SMARCA2: variants seen among roughly 807,000 people sequenced by gnomAD.
The protein encoded by SMARCA2 is SWI/SNF related BAF chromatin remodeling complex subunit ATPase 2.
SMARCA2 carries 61 observed loss-of-function variants against 199.8 expected under a neutral mutation model. That is an observed-to-expected ratio of 0.31 (90% confidence interval 0.25 to 0.38). SMARCA2 has a LOEUF of 0.38. Among genes scored for constraint, SMARCA2 ranks in the 10% least tolerant of loss-of-function variants. The pLI, the probability that SMARCA2 is intolerant of heterozygous loss-of-function variation, is 1.00. For synonymous variants in SMARCA2, 935 were observed against 732.0 expected (o/e 1.28, Z -4.48); for missense variants, 1,344 against 2,012.2 (o/e 0.67, Z 6.35).
rs1025401332 is a variant in SMARCA2 at position 2,056,034 on chromosome 9, A to G, written c.1174-638A>G. ...ATTTAATGTGTATTCTCCAGTCCCT[A>G]CCCCCTACCACCACATAACATGCAA... On this transcript the variant is annotated intron_variant, in intron 6 of 33. Transcript: ENST00000349721. The surrounding 1 kb of genome is among the most constrained non-coding windows in gnomAD (Gnocchi z 4.0). Among the ~76,000 whole-genome samples, 2 of 152,136 alleles carry G rather than the reference A, an allele frequency of 1.3e-5. No individual in the cohort carries two copies. The highest frequency in any genetic ancestry group is 2.9e-5 in the Non-Finnish European group (2 of 68,024).
intron 27 of SMARCA2, among the ~76,000 whole-genome samples, chr9:2,147,643 C>A (rs767776085): frequency 6.6e-6 from 1 of 152,028 alleles, no homozygotes; most frequent in African/African-American, 2.4e-5. Context: ...GTCAGGAGTT[C>A]GAGACCAGCC....
chr9:2,080,548 A>T (rs1386585693), intron 14 of SMARCA2, among the ~76,000 whole-genome samples: 2 of 152,146 alleles, frequency 1.3e-5, no homozygotes, highest in African/African-American at 2.4e-5. Context: ...TTGCAGGCTG[A>T]CAGCTTCTCC....
chr9:2,191,031 T>C (rs1247474716), intron 32 of SMARCA2, among the ~76,000 whole-genome samples: 1 of 152,176 alleles, frequency 6.6e-6, no homozygotes, highest in Non-Finnish European at 1.5e-5. Context: ...GAGACCTCGG[T>C]CCCTCTTGTT....
In SMARCA2 at chr9:2,086,320, C is replaced by A. The variant is rs1390782727; in HGVS notation, c.2527-509C>A. Among the ~76,000 whole-genome samples the A allele has an allele frequency of 6.6e-6, 1 of 152,212 alleles. No homozygotes were observed. The highest frequency in any genetic ancestry group is 1.5e-5 in the Non-Finnish European group (1 of 68,028). ...GCCAAGCCCTAAAGGTAGTAACCAG[C>A]CAGGCTAATAGAAAAGAAGGCATGG... is the stretch of plus-strand genomic sequence containing the variant. On this transcript the variant is annotated intron_variant, in intron 17 of 33. Coordinates refer to ENST00000349721, the MANE Select transcript of SMARCA2 (RefSeq NM_003070.5). The surrounding 1 kb of genome is among the most constrained non-coding windows in gnomAD (Gnocchi z 4.3).
intron 32 of SMARCA2, 150 bp downstream of exon 32, chr9:2,186,378 A>T (rs1435138562): frequency 2.7e-6 from 2 of 751,130 alleles, no homozygotes; most frequent in Non-Finnish European, 2.1e-6. Context: ...ACCGGTGGCC[A>T]TGTCCTTATC....
At position 2,119,449 on chromosome 9, in the gene SMARCA2, T is replaced by C. The variant is rs1586724984; in HGVS notation, c.3685-9T>C. On this transcript the variant is annotated splice_polypyrimidine_tract_variant and intron_variant, in intron 25 of 33. Transcript: ENST00000349721. This position sits in a 1 kb window ranked among gnomAD's most constrained non-coding sequence, Gnocchi z 4.6. The stretch of plus-strand genomic sequence containing the variant: ...CCACTGGTTAAAATCACTCTGTTTT[T>C]AACCCCAGGAAGAAGATGAAGTACC... 2.5e-6 allele frequency: 4 copies of C among 1,605,212 alleles called. No homozygotes were observed. In the African/African-American group the frequency reaches 4.0e-5, roughly 16 times the overall value.
intron 28 of SMARCA2, among the ~76,000 whole-genome samples, chr9:2,167,325 G>A (rs184207389): frequency 6.6e-6 from 1 of 152,330 alleles, no homozygotes; most frequent in East Asian, 1.9e-4. Flanking sequence ...CATTCCTGAA[G>A]AATCTGGAAA....
chr9:2,130,715 A>C (rs769017996), intron 27 of SMARCA2, among the ~76,000 whole-genome samples: 10 of 152,196 alleles, frequency 6.6e-5, no homozygotes, highest in Non-Finnish European at 1.2e-4. Flanking sequence ...ACATACATAT[A>C]TATATACACA....
intron 10 of SMARCA2, among the ~76,000 whole-genome samples, chr9:2,071,582 A>G (rs145348314): frequency 2.0e-5 from 3 of 152,288 alleles, no homozygotes; most frequent in African/African-American, 7.2e-5. Flanking sequence ...TGTGACATAC[A>G]TCTTTTTTTT....
At chr9:2,151,191 G>A (rs962373461) in intron 27 of SMARCA2, among the ~76,000 whole-genome samples, 4 of 151,426 alleles carry the variant, frequency 2.6e-5, no homozygotes, top group Admixed American at 1.3e-4. Context: ...ATTTGTTAGC[G>A]AGCGTCTGTT....
intron 22 of SMARCA2, among the ~76,000 whole-genome samples, chr9:2,102,757 G>A (rs974820795): frequency 6.6e-6 from 1 of 152,034 alleles, no homozygotes; most frequent in Non-Finnish European, 1.5e-5. Context: ...CTTACATGAC[G>A]TCCATAGTGA....
chr9:2,148,510 C>T (rs1824879868), intron 27 of SMARCA2, among the ~76,000 whole-genome samples: 1 of 151,032 alleles, frequency 6.6e-6, no homozygotes, highest in Non-Finnish European at 1.5e-5. Context: ...TATTATTATA[C>T]TTTAAGTTTT....
chr9:2,192,472 A>G (rs1319610095), intron 33 of SMARCA2: 3 of 541,912 alleles, frequency 5.5e-6, no homozygotes, highest in Admixed American at 3.5e-5. Context: ...AAGGGCACAA[A>G]CAATAGCTTA....
chr9:2,101,285 C>T (rs536947649), intron 21 of SMARCA2, among the ~76,000 whole-genome samples: 129 of 152,068 alleles, frequency 8.5e-4, no homozygotes, highest in African/African-American at 2.7e-3. Context: ...CTATTGGCTC[C>T]GCTATGGGCC....
chr9:2,020,476 A>G (rs1037290775), intron 1 of SMARCA2, among the ~76,000 whole-genome samples: 4 of 152,152 alleles, frequency 2.6e-5, no homozygotes, highest in Non-Finnish European at 1.5e-5. Context: ...TATTTTTTCT[A>G]TATAGAAACT....
intron 14 of SMARCA2, among the ~76,000 whole-genome samples, chr9:2,081,566 T>A (rs1821569281): frequency 1.3e-5 from 2 of 152,366 alleles, no homozygotes; most frequent in African/African-American, 2.4e-5. Context: ...TGTCACATAC[T>A]GTGAAATACT....
intron 4 of SMARCA2, chr9:2,041,552 A>T (rs1355893657): frequency 5.0e-6 from 2 of 396,110 alleles, no homozygotes; most frequent in East Asian, 7.1e-5. Context: ...TTCTAATACC[A>T]TCTCCCTGGG....
chr9:2,177,604 G>C (rs565836719), intron 29 of SMARCA2, among the ~76,000 whole-genome samples: 34 of 152,038 alleles, frequency 2.2e-4, no homozygotes, highest in African/African-American at 8.2e-4. Context: ...CCAGGCTGGA[G>C]TGCAGTGGCG....
intron 6 of SMARCA2, chr9:2,055,493 G>C (rs1277817323): frequency 6.6e-6 from 1 of 152,202 alleles, no homozygotes; most frequent in Non-Finnish European, 1.5e-5. Flanking sequence ...TTAGTCAGAT[G>C]GGTTTGTTTT....
Sources: allele counts gnomAD v4.1 joint callset (sites outside exome capture counted in the v4.1 genomes callset), GRCh38; gene constraint gnomAD v4.1.1; non-coding constraint Gnocchi (gnomAD v3.1); transcripts MANE v1.5; gene names NCBI Gene and HGNC (gene_info 2026-07-23, HGNC 2026-07-21).